The following ZNF597 variants were observed in gnomAD, a reference collection of about 807,000 sequenced individuals.
The protein encoded by ZNF597 is zinc finger protein 597.
In ZNF597, 5 loss-of-function variants were observed where a neutral mutation model predicts 7.3. The observed-to-expected ratio is 0.68, with a 90% CI of 0.36 to 1.44. ZNF597 has a LOEUF of 1.44. ZNF597 is among the 40% of genes most tolerant of loss of function. The pLI, the probability that ZNF597 is intolerant of heterozygous loss-of-function variation, is 0.04. For synonymous variants in ZNF597, 209 were observed against 185.4 expected (o/e 1.13, Z -1.04); for missense variants, 585 against 517.9 (o/e 1.13, Z -1.26).
At chr16:3,437,651 T>A in intron 3 of ZNF597, 113 bp from the exon 4 acceptor site, 1 of 1,419,864 alleles carries the variant, frequency 7.0e-7, no homozygotes, top group South Asian at 1.5e-5. Context: ...GAAGGGTTAT[T>A]CTATAACCCA....
In ZNF597 at chr16:3,433,694, A is replaced by C. The variant is rs1369044652; in HGVS notation, c.*2730T>G. The C allele has an allele frequency of 6.6e-6, 1 of 152,244 alleles. No homozygotes were observed. The highest frequency in any genetic ancestry group is 6.5e-5 in the Admixed American group (1 of 15,286). 9.4% of individuals were successfully genotyped at this position (152,244 alleles called of 1,614,324 possible). A position where few individuals can be genotyped will look rare whatever the true frequency, so the allele number is the denominator to read the frequency against. ...TAAAAAGCCTGAAGCTCACCAGCAG[A>C]TATATCTTTTCCTTCAATTCCCTGG... On this transcript the variant is annotated 3_prime_UTR_variant, in exon 4 of 4. Coordinates refer to ENST00000301744, the MANE Select transcript of ZNF597 (RefSeq NM_152457.3).
At position 3,443,406 on chromosome 16, in the gene ZNF597, A is replaced by G; in HGVS notation, c.-100T>C. The G allele has an allele frequency of 1.9e-6, 1 of 537,724 alleles. No individual in the cohort carries two copies. Among genetic ancestry groups the G allele is most frequent in the Non-Finnish European group, 3.2e-6 (1 of 308,690 alleles). The allele number at this position is 537,724 out of a possible 1,614,324, so 33.3% of individuals were successfully genotyped here. On this transcript the variant is annotated 5_prime_UTR_variant, in exon 1 of 4. Transcript: ENST00000301744. ...CCTCGCGCTCCCTGACAGGAGCTGC[A>G]GAAAGCGACGCCCGACCGAGACGCG...
intron 3 of ZNF597, 54 bp from the exon 4 acceptor site, chr16:3,437,592 T>C: frequency 6.6e-7 from 1 of 1,522,790 alleles, no homozygotes; most frequent in South Asian, 1.3e-5. Flanking sequence ...CAAGGGATAC[T>C]GGGGAAAAAG....
intron 2 of ZNF597, among the ~76,000 whole-genome samples, chr16:3,442,273 G>A (rs1567354647): frequency 1.3e-5 from 2 of 152,046 alleles, no homozygotes; most frequent in Non-Finnish European, 2.9e-5. Context: ...TGTAATTTTG[G>A]GAACCATTCC....
At chr16:3,440,524 C>T (rs2034355330) in intron 3 of ZNF597, among the ~76,000 whole-genome samples, 2 of 152,108 alleles carry the variant, frequency 1.3e-5, no homozygotes, top group African/African-American at 4.8e-5. Flanking sequence ...GTCCCAGCTA[C>T]TCGGGAGGCT....
Position 3,437,475 on chromosome 16 carries a change from A to G in ZNF597, c.224T>C (p.Leu75Pro). 1 of 1,614,126 alleles carries G rather than the reference A, an allele frequency of 6.2e-7. No individual in the cohort carries two copies. Among genetic ancestry groups the G allele is most frequent in the Admixed American group, 1.7e-5 (1 of 60,022 alleles). The change falls in exon 4 of 4, where the codon CTT (leucine) becomes CCT (proline). Residue 75 changes from leucine to proline, a missense_variant. By Grantham distance (98) the Leu-to-Pro change is moderately conservative. Transcript: ENST00000301744. Reference protein sequence around the residue: ...LSLESMELDELALEKYPIAAP... With the variant: ...LSLESMELDEPALEKYPIAAP... The stretch of plus-strand genomic sequence containing the variant: ...AGCAATGGGGTACTTTTCTAAGGCA[A>G]GCTCGTCAAGTTCCATAGACTCTAG...
chr16:3,436,679 G>A lies in ZNF597; in HGVS notation c.1020C>T (p.Pro340=). 1 of 1,613,788 alleles carries A rather than the reference G, an allele frequency of 6.2e-7. No homozygotes were observed. The highest frequency in any genetic ancestry group is 8.5e-7 in the Non-Finnish European group (1 of 1,179,842). Residue 340 remains proline (P), a synonymous_variant, in exon 4 of 4, where the codon CCC becomes CCT. Transcript: ENST00000301744. ...TCATGTCACAGTCAGGACACTGTAAGGGCTTGAATTTTGAGAATGAGAAGA... is the reference window on the plus strand; with the variant it reads ...TCATGTCACAGTCAGGACACTGTAAAGGCTTGAATTTTGAGAATGAGAAGA... The part of the protein sequence containing the change: ...DNFFSFSKFK[P]LQCPDCDMTF...
Position 3,436,415 on chromosome 16 carries a change from A to G in ZNF597, c.*9T>C. ...GCCCAATCACTAATAACAATTTGTT[A>G]TATTTACTTTACGTGGTGTTTTTTA... On this transcript the variant is annotated 3_prime_UTR_variant, in exon 4 of 4. Transcript: ENST00000301744. The G allele has an allele frequency of 2.5e-6, 4 of 1,609,694 alleles. No individual in the cohort carries two copies. Among genetic ancestry groups the G allele is most frequent in the Non-Finnish European group, 3.4e-6 (4 of 1,177,514 alleles).
chr16:3,443,444 A>G lies in ZNF597; in HGVS notation c.-138T>C. 1 of 520,196 alleles carries G rather than the reference A, an allele frequency of 1.9e-6. No individual in the cohort carries two copies. The highest frequency in any genetic ancestry group is 3.4e-6 in the Non-Finnish European group (1 of 297,924). 32.2% of individuals were successfully genotyped at this position (520,196 alleles called of 1,614,324 possible). ...CGACCGAGACGCGACGAAGAACGCCACGGCCACTGCAAAACTCCCACGCTC... is the reference window on the plus strand; with the variant it reads ...CGACCGAGACGCGACGAAGAACGCCGCGGCCACTGCAAAACTCCCACGCTC... On this transcript the variant is annotated 5_prime_UTR_variant, in exon 1 of 4. Transcript: ENST00000301744.
At position 3,440,956 on chromosome 16, in the gene ZNF597, A is replaced by G. The variant is rs138236442; in HGVS notation, c.34-23T>C. ...TCCCTGAAACACAAGAGCCTGTGTCAGCACAAGAGGGTGGAGGGTCAGCCC... is the reference window on the plus strand; with the variant it reads ...TCCCTGAAACACAAGAGCCTGTGTCGGCACAAGAGGGTGGAGGGTCAGCCC... On this transcript the variant is annotated intron_variant, in intron 2 of 3. Coordinates refer to ENST00000301744, the MANE Select transcript of ZNF597 (RefSeq NM_152457.3). The G allele has an allele frequency of 6.2e-4, 999 of 1,609,106 alleles. 4 individuals are homozygous for G. Among genetic ancestry groups the G allele is most frequent in the Middle Eastern group, 3.6e-3 (21 of 5,792 alleles).
Position 3,434,689 on chromosome 16 carries a change from A to AT in ZNF597, c.*1734dup, listed in dbSNP as rs1315591257. ...ATAAGAGCTTAGCTGAGTAGCCAGCATTTTTTGTATATTTAGTCCTCAATC... is the reference window on the plus strand; with the variant it reads ...ATAAGAGCTTAGCTGAGTAGCCAGCATTTTTTTGTATATTTAGTCCTCAATC... On this transcript the variant is annotated 3_prime_UTR_variant, in exon 4 of 4. Coordinates refer to ENST00000301744, the MANE Select transcript of ZNF597 (RefSeq NM_152457.3). 1.3e-5 allele frequency: 2 copies of AT among 152,298 alleles called. No individual in the cohort carries two copies. Among genetic ancestry groups the AT allele is most frequent in the East Asian group, 3.9e-4 (2 of 5,176 alleles). The allele number at this position is 152,298 out of a possible 1,614,324, so 9.4% of individuals were successfully genotyped here.
rs921397482 is a variant in ZNF597 at position 3,434,151 on chromosome 16, G to C, written c.*2273C>G. 9 of 152,132 alleles carry C rather than the reference G, an allele frequency of 5.9e-5. No homozygotes were observed. Among genetic ancestry groups the C allele is most frequent in the African/African-American group, 1.9e-4 (8 of 41,418 alleles). 9.4% of individuals were successfully genotyped at this position (152,132 alleles called of 1,614,324 possible). On this transcript the variant is annotated 3_prime_UTR_variant, in exon 4 of 4. Coordinates refer to ENST00000301744, the MANE Select transcript of ZNF597 (RefSeq NM_152457.3). The stretch of plus-strand genomic sequence containing the variant: ...TTTATATCACCCCCATTCTGTCCAA[G>C]TGCCTTCTAAGATATTCCCCTCTAC...
Position 3,437,321 on chromosome 16 carries a change from G to A in ZNF597, c.378C>T (p.His126=). ...ATTCAGAGAGTTCTACTAATGGGGT[G>A]TGGTTTTCAATGGTAACTAAAAGGC... The part of the protein sequence containing the change: ...VISLLVTIEN[H]TPLVELSEYL... The change falls in exon 4 of 4, where the codon CAC becomes CAT. Residue 126 remains histidine (H), a synonymous_variant. Coordinates refer to ENST00000301744, the MANE Select transcript of ZNF597 (RefSeq NM_152457.3). 6.2e-7 allele frequency: 1 copy of A among 1,614,182 alleles called. No homozygotes were observed. Among genetic ancestry groups the A allele is most frequent in the Non-Finnish European group, 8.5e-7 (1 of 1,180,040 alleles).
At chr16:3,439,464 C>G (rs1329063833) in intron 3 of ZNF597, among the ~76,000 whole-genome samples, 1 of 152,100 alleles carries the variant, frequency 6.6e-6, no homozygotes, top group African/African-American at 2.4e-5. Context: ...TGGAAAGAAC[C>G]ACCTAAAAGG....
chr16:3,436,521 A>G lies in ZNF597; in HGVS notation c.1178T>C (p.Leu393Pro), dbSNP rs1297431878. Residue 393 changes from leucine to proline, a missense_variant, in exon 4 of 4, where the codon CTA becomes CCA. Leu to Pro is a moderately conservative substitution (Grantham distance 98). Coordinates refer to ENST00000301744, the MANE Select transcript of ZNF597 (RefSeq NM_152457.3). Reference sequence around the variant, plus strand: ...CACGGTACATTTAAAAGGTTCCGCTAGCATGTGGCTCTTCTGGTGGCATGC... The same window carrying G: ...CACGGTACATTTAAAAGGTTCCGCTGGCATGTGGCTCTTCTGGTGGCATGC... ...ELACHQKSHM[L>P]AEPFKCTVCG... The G allele has an allele frequency of 6.8e-6, 11 of 1,614,110 alleles. No homozygotes were observed. The highest frequency in any genetic ancestry group is 1.1e-5 in the South Asian group (1 of 91,090).
At chr16:3,441,320 G>C (rs914167481) in intron 2 of ZNF597, among the ~76,000 whole-genome samples, 4 of 152,138 alleles carry the variant, frequency 2.6e-5, no homozygotes, top group African/African-American at 7.2e-5. Flanking sequence ...GTCTGAGGGG[G>C]ATGCAGATGA....
rs920226066 is a variant in ZNF597 at position 3,433,904 on chromosome 16, G to C, written c.*2520C>G. 6.6e-6 allele frequency: 1 copy of C among 151,918 alleles called. No individual in the cohort carries two copies. The highest frequency in any genetic ancestry group is 2.4e-5 in the African/African-American group (1 of 41,320). 9.4% of individuals were successfully genotyped at this position (151,918 alleles called of 1,614,324 possible). A position where few individuals can be genotyped will look rare whatever the true frequency, so the allele number is the denominator to read the frequency against. ...TAGTTCTACCCACACGTATGTTAAT[G>C]TTTCTGAAAAGGGCTATTTTTTCTA... On this transcript the variant is annotated 3_prime_UTR_variant, in exon 4 of 4. Coordinates refer to ENST00000301744, the MANE Select transcript of ZNF597 (RefSeq NM_152457.3).
At chr16:3,441,555 G>A (rs765522205) in intron 2 of ZNF597, among the ~76,000 whole-genome samples, 20 of 152,018 alleles carry the variant, frequency 1.3e-4, no homozygotes, top group Non-Finnish European at 2.2e-4. Flanking sequence ...GTGTGGTGGC[G>A]CATGCCTATA....
In ZNF597 at chr16:3,432,634, G is replaced by A. The variant is rs1409274174; in HGVS notation, c.*3790C>T. 2 of 152,118 alleles carry A rather than the reference G, an allele frequency of 1.3e-5. No homozygotes were observed. The highest frequency in any genetic ancestry group is 4.8e-5 in the African/African-American group (2 of 41,420). The allele number at this position is 152,118 out of a possible 1,614,324, so 9.4% of individuals were successfully genotyped here. ...AGCACATTCTTACGTTTACACAGAA[G>A]AATATTTATATTGTATTCCCCCCCT... is the stretch of plus-strand genomic sequence containing the variant. On this transcript the variant is annotated 3_prime_UTR_variant, in exon 4 of 4. Transcript: ENST00000301744.
Sources: allele counts gnomAD v4.1 joint callset (sites outside exome capture counted in the v4.1 genomes callset), GRCh38; gene constraint gnomAD v4.1.1; transcripts MANE v1.5; gene names NCBI Gene and HGNC (gene_info 2026-07-23, HGNC 2026-07-21).